CDH4: variants seen among roughly 807,000 people sequenced by gnomAD.
CDH4 encodes the protein cadherin-4.
A neutral mutation model predicts 86.0 loss-of-function variants in CDH4; 33 were observed. The ratio of observed to expected loss-of-function variants is 0.38; its 90% CI spans 0.29 to 0.51. The LOEUF is 0.51. CDH4 is among the 20% of genes least tolerant of loss of function. CDH4 has a pLI of 0.86. For missense variants in CDH4, 1,114 were observed against 1,307.4 expected (o/e 0.85, Z 2.28); for synonymous variants, 555 against 549.4 (o/e 1.01, Z -0.14).
chr20:61,481,302 C>A (rs1379995882), intron 2 of CDH4, among the ~76,000 whole-genome samples: 1 of 152,198 alleles, frequency 6.6e-6, no homozygotes, highest in African/African-American at 2.4e-5. Context: ...AGGACAACCC[C>A]CCAACAACAC....
In CDH4 at chr20:61,703,506, C is replaced by A. The variant is rs144477843; in HGVS notation, c.170-40057C>A. Among the ~76,000 whole-genome samples, 66 of 152,298 alleles carry A rather than the reference C, an allele frequency of 4.3e-4. No individual in the cohort carries two copies. Among genetic ancestry groups the A allele is most frequent in the Non-Finnish European group, 8.5e-4 (58 of 68,030 alleles). On this transcript the variant is annotated intron_variant, in intron 2 of 15. Transcript: ENST00000614565. The surrounding 1 kb of genome is among the most constrained non-coding windows in gnomAD (Gnocchi z 4.3). The stretch of plus-strand genomic sequence containing the variant: ...ATATTGAAAAGACATCATTTGTCCC[C>A]ACCAACAAATTAGTGGGGAAGGAAG...
At chr20:61,561,212 C>A (rs2086214437) in intron 2 of CDH4, among the ~76,000 whole-genome samples, 1 of 152,186 alleles carries the variant, frequency 6.6e-6, no homozygotes, top group African/African-American at 2.4e-5. Context: ...TCCAGTATCA[C>A]CTCTGTTCAT....
chr20:61,734,571 G>A (rs2088237087), intron 2 of CDH4, among the ~76,000 whole-genome samples: 3 of 151,368 alleles, frequency 2.0e-5, no homozygotes, highest in Non-Finnish European at 2.9e-5. Context: ...CATGGTGCAG[G>A]GATTCAATAA....
intron 2 of CDH4, among the ~76,000 whole-genome samples, chr20:61,590,190 G>C (rs2086508399): frequency 6.6e-6 from 1 of 151,716 alleles, no homozygotes; most frequent in African/African-American, 2.4e-5. Flanking sequence ...GGAGGACAGA[G>C]AAGTCTCCTT....
chr20:61,376,954 G>A (rs1486938290), intron 2 of CDH4, among the ~76,000 whole-genome samples: 1 of 152,186 alleles, frequency 6.6e-6, no homozygotes, highest in Non-Finnish European at 1.5e-5. Context: ...TGAGTCAAAA[G>A]CCTGCTTTGC....
intron 2 of CDH4, among the ~76,000 whole-genome samples, chr20:61,652,716 A>G (rs1436583710): frequency 1.3e-5 from 2 of 152,112 alleles, no homozygotes; most frequent in South Asian, 4.1e-4. Flanking sequence ...AAATTCATGG[A>G]ATCTTGAAAT....
intron 2 of CDH4, among the ~76,000 whole-genome samples, chr20:61,415,539 C>G (rs1476016822): frequency 1.8e-4 from 27 of 152,128 alleles, no homozygotes; most frequent in Admixed American, 1.8e-3. Flanking sequence ...CAGCCGCACT[C>G]TCCCCCGCCC....
intron 2 of CDH4, among the ~76,000 whole-genome samples, chr20:61,615,966 G>C (rs566421144): frequency 6.6e-6 from 1 of 152,204 alleles, no homozygotes; most frequent in Non-Finnish European, 1.5e-5. Context: ...AGAGCAGAGC[G>C]GGCCCCCGTG....
chr20:61,869,197 T>C (rs77151542), intron 6 of CDH4, among the ~76,000 whole-genome samples: 7,116 of 152,306 alleles, frequency 0.047, 577 homozygotes, highest in African/African-American at 0.16. Flanking sequence ...AACCCTATAT[T>C]GATTCCCCTG....
rs1281087765 is a variant in CDH4 at position 61,647,542 on chromosome 20, T to TCTCTCTCTCTCTCTCTCTCTCC, written c.170-96018_170-96017insTCTCTCTCTCTCTCTCTCCCTC. On this transcript the variant is annotated intron_variant, in intron 2 of 15. Coordinates refer to ENST00000614565, the MANE Select transcript of CDH4 (RefSeq NM_001794.5). Reference sequence around the variant, plus strand: ...CACACATATTCTCTCTCCCTCTCCCTCTCCCTCTCCCTCTCCCTCTCCCTC... The same window carrying TCTCTCTCTCTCTCTCTCTCTCC: ...CACACATATTCTCTCTCCCTCTCCCTCTCTCTCTCTCTCTCTCTCTCCCTCCCTCTCCCTCTCCCTCTCCCTC... Among the ~76,000 whole-genome samples the TCTCTCTCTCTCTCTCTCTCTCC allele has an allele frequency of 1.5e-3, 167 of 108,292 alleles. 19 individuals are homozygous for TCTCTCTCTCTCTCTCTCTCTCC. Among genetic ancestry groups the TCTCTCTCTCTCTCTCTCTCTCC allele is most frequent in the African/African-American group, 5.1e-3 (150 of 29,380 alleles). 71.0% of individuals were successfully genotyped at this position (108,292 alleles called of 152,430 possible).
intron 2 of CDH4, among the ~76,000 whole-genome samples, chr20:61,692,383 AT>A (rs1203759374): frequency 6.6e-6 from 1 of 152,186 alleles, no homozygotes; most frequent in African/African-American, 2.4e-5. Context: ...AGGAATATTT[AT>A]TATTTCCAAA....
At chr20:61,860,761 G>C (rs919368715) in intron 6 of CDH4, among the ~76,000 whole-genome samples, 1 of 152,206 alleles carries the variant, frequency 6.6e-6, no homozygotes. Context: ...ACAAGCCACA[G>C]CTGGTTTCCC....
At chr20:61,790,694 A>G (rs1029028185) in intron 4 of CDH4, among the ~76,000 whole-genome samples, 2 of 148,878 alleles carry the variant, frequency 1.3e-5, no homozygotes, top group Non-Finnish European at 3.0e-5. Context: ...CTCTCCATCC[A>G]TCCATTTGTC....
intron 3 of CDH4, among the ~76,000 whole-genome samples, chr20:61,762,348 T>A (rs1378431827): frequency 2.6e-5 from 4 of 152,248 alleles, no homozygotes; most frequent in Non-Finnish European, 5.9e-5. Flanking sequence ...AGCTGAATTC[T>A]CTCATGATGA....
chr20:61,626,630 G>A (rs570784287), intron 2 of CDH4, among the ~76,000 whole-genome samples: 10 of 152,268 alleles, frequency 6.6e-5, no homozygotes, highest in South Asian at 6.2e-4. Flanking sequence ...CTTTTTCCAC[G>A]CCCGGGCTTA....
Position 61,879,427 on chromosome 20 carries a change from G to A in CDH4, c.1050+5527G>A, listed in dbSNP as rs116628429. Among the ~76,000 whole-genome samples the A allele has an allele frequency of 1.6e-3, 245 of 152,310 alleles. No individual in the cohort carries two copies. Among genetic ancestry groups the A allele is most frequent in the Non-Finnish European group, 2.7e-3 (183 of 68,034 alleles). ...CCCTTGGGCAACAAGCAGAGTCTTC[G>A]GGGGAAGCACCAGAGATACTTCTCA... On this transcript the variant is annotated intron_variant, in intron 7 of 15. Coordinates refer to ENST00000614565, the MANE Select transcript of CDH4 (RefSeq NM_001794.5). The surrounding 1 kb of genome is among the most constrained non-coding windows in gnomAD (Gnocchi z 4.1).
Position 61,623,580 on chromosome 20 carries a change from C to T in CDH4, c.170-119983C>T, listed in dbSNP as rs1043003022. On this transcript the variant is annotated intron_variant, in intron 2 of 15. Transcript: ENST00000614565. This position sits in a 1 kb window ranked among gnomAD's most constrained non-coding sequence, Gnocchi z 4.4. The stretch of plus-strand genomic sequence containing the variant: ...CCGCAGGGTCATCAAGAGCTAGACC[C>T]AGCGGCCGTGTTGTCTTTCCTCTAC... Among the ~76,000 whole-genome samples, 1 of 152,162 alleles carries T rather than the reference C, an allele frequency of 6.6e-6. No individual in the cohort carries two copies. Among genetic ancestry groups the T allele is most frequent in the Non-Finnish European group, 1.5e-5 (1 of 68,028 alleles).
intron 2 of CDH4, among the ~76,000 whole-genome samples, chr20:61,600,941 C>T (rs1350911450): frequency 2.6e-5 from 4 of 152,168 alleles, no homozygotes; most frequent in East Asian, 1.9e-4. Context: ...TCCAGTCCTG[C>T]CTGCTGTCTG....
At chr20:61,799,663 G>T (rs892749776) in intron 4 of CDH4, among the ~76,000 whole-genome samples, 7 of 152,206 alleles carry the variant, frequency 4.6e-5, no homozygotes, top group Non-Finnish European at 2.9e-5. Flanking sequence ...TGGGGTATCT[G>T]CACAAAGGGC....
Sources: allele counts gnomAD v4.1 joint callset (sites outside exome capture counted in the v4.1 genomes callset), GRCh38; gene constraint gnomAD v4.1.1; non-coding constraint Gnocchi (gnomAD v3.1); transcripts MANE v1.5; gene names NCBI Gene and HGNC (gene_info 2026-07-23, HGNC 2026-07-21).